KCNJ6: variants seen among roughly 807,000 people sequenced by gnomAD.
KCNJ6 encodes the protein potassium inwardly rectifying channel subfamily J member 6, also known as G protein-activated inward rectifier potassium channel 2.
In KCNJ6, 9 loss-of-function variants were observed where a neutral mutation model predicts 34.2. That is an observed-to-expected ratio of 0.26 (90% CI 0.16 to 0.46). KCNJ6 has a LOEUF of 0.46. Among genes scored for constraint, KCNJ6 ranks in the 20% least tolerant of loss-of-function variants. KCNJ6 has a pLI of 1.00. For missense variants in KCNJ6, 236 were observed against 531.3 expected, an observed-to-expected ratio of 0.44 and a Z score of 5.46; for synonymous variants, 196 against 207.1, an observed-to-expected ratio of 0.95 and a Z score of 0.46.
chr21:37,913,332 T>C (rs2055875915), intron 1 of KCNJ6, among the ~76,000 whole-genome samples: 1 of 152,228 alleles, frequency 6.6e-6, no homozygotes, highest in African/African-American at 2.4e-5. Flanking sequence ...CTCCTCTCGG[T>C]TTCCTACGAC....
At chr21:37,789,522 T>C (rs989105795) in intron 2 of KCNJ6, among the ~76,000 whole-genome samples, 1 of 152,122 alleles carries the variant, frequency 6.6e-6, no homozygotes, top group Non-Finnish European at 1.5e-5. Flanking sequence ...AGAGAATAGA[T>C]TTCTGTTGTT....
intron 2 of KCNJ6, among the ~76,000 whole-genome samples, chr21:37,758,464 A>G (rs959894698): frequency 1.3e-5 from 2 of 152,120 alleles, no homozygotes; most frequent in African/African-American, 4.8e-5. Context: ...TTAATCCCTC[A>G]TTTGTAGTGT....
intron 3 of KCNJ6, among the ~76,000 whole-genome samples, chr21:37,640,511 A>G (rs982873678): frequency 6.6e-6 from 1 of 152,276 alleles, no homozygotes; most frequent in Non-Finnish European, 1.5e-5. Context: ...TGTAAAAGCA[A>G]CAGCTGACCT....
intron 1 of KCNJ6, among the ~76,000 whole-genome samples, chr21:37,875,919 T>G (rs186911892): frequency 1.2e-3 from 189 of 152,346 alleles, no homozygotes; most frequent in African/African-American, 2.8e-3. Flanking sequence ...AAAAGTAATT[T>G]GTAAAGATCT....
chr21:37,615,320 C>T lies in KCNJ6; in HGVS notation c.*9839G>A, dbSNP rs948187843. The T allele has an allele frequency of 7.2e-6, 1 of 139,576 alleles. No individual in the cohort carries two copies. The highest frequency in any genetic ancestry group is 2.1e-4 in the East Asian group (1 of 4,732). 8.6% of individuals were successfully genotyped at this position (139,576 alleles called of 1,614,324 possible). A position where few individuals can be genotyped will look rare whatever the true frequency, so the allele number is the denominator to read the frequency against. ...CAGGTCGGACTGCGGACTGCAGTGG[C>T]GCAATCTCGGCTCACTGCAAGCTCC... On this transcript the variant is annotated 3_prime_UTR_variant, in exon 4 of 4. Coordinates refer to ENST00000609713, the MANE Select transcript of KCNJ6 (RefSeq NM_002240.5).
At position 37,611,908 on chromosome 21, in the gene KCNJ6, C is replaced by T. The variant is rs2054244065; in HGVS notation, c.*13251G>A. ...GTGATGGTGAGAAACCTGAAGCTGT[C>T]TCACTAAGATCAGGAAAAAAAAGGT... On this transcript the variant is annotated 3_prime_UTR_variant, in exon 4 of 4. Coordinates refer to ENST00000609713, the MANE Select transcript of KCNJ6 (RefSeq NM_002240.5). 6.6e-6 allele frequency: 1 copy of T among 152,046 alleles called. No homozygotes were observed. Among genetic ancestry groups the T allele is most frequent in the South Asian group, 2.1e-4 (1 of 4,820 alleles). The allele number at this position is 152,046 out of a possible 1,614,324, so 9.4% of individuals were successfully genotyped here.
At chr21:37,820,863 G>A (rs2055370066) in intron 2 of KCNJ6, among the ~76,000 whole-genome samples, 1 of 152,206 alleles carries the variant, frequency 6.6e-6, no homozygotes, top group Non-Finnish European at 1.5e-5. Context: ...GATGTGCCTT[G>A]TTTTGACTAG....
chr21:37,808,666 A>G (rs944530447), intron 2 of KCNJ6, among the ~76,000 whole-genome samples: 3 of 152,222 alleles, frequency 2.0e-5, no homozygotes, highest in Admixed American at 6.5e-5. Context: ...AGATTATTCC[A>G]TTCTCCGGTC....
chr21:37,777,898 T>A (rs555239675), intron 2 of KCNJ6, among the ~76,000 whole-genome samples: 4 of 152,158 alleles, frequency 2.6e-5, no homozygotes, highest in Non-Finnish European at 5.9e-5. Context: ...GGAACATCAC[T>A]CTTGACTGTG....
intron 2 of KCNJ6, among the ~76,000 whole-genome samples, chr21:37,796,591 A>C (rs1056176247): frequency 2.0e-5 from 3 of 152,022 alleles, no homozygotes; most frequent in Non-Finnish European, 2.9e-5. Context: ...TCTCATACTG[A>C]GATTCAGGGT....
intron 1 of KCNJ6, among the ~76,000 whole-genome samples, chr21:37,903,921 A>C (rs2055828982): frequency 6.6e-6 from 1 of 152,218 alleles, no homozygotes; most frequent in African/African-American, 2.4e-5. Context: ...TTTGTAATAA[A>C]AGGACAATTT....
At chr21:37,832,479 C>T (rs1379739968) in intron 2 of KCNJ6, among the ~76,000 whole-genome samples, 1 of 152,116 alleles carries the variant, frequency 6.6e-6, no homozygotes, top group African/African-American at 2.4e-5. Context: ...TGTCAGGAAC[C>T]CTGGGACCTC....
At chr21:37,772,907 AG>A (rs1448561611) in intron 2 of KCNJ6, among the ~76,000 whole-genome samples, 4 of 152,214 alleles carry the variant, frequency 2.6e-5, no homozygotes. Context: ...TAACTCAACA[AG>A]GATACTGTGA....
At chr21:37,827,440 C>T (rs949082574) in intron 2 of KCNJ6, among the ~76,000 whole-genome samples, 4 of 151,998 alleles carry the variant, frequency 2.6e-5, no homozygotes, top group African/African-American at 7.3e-5. Context: ...ATCCAAATCC[C>T]GTAAGTAGTA....
At chr21:37,898,595 A>G (rs138762216) in intron 1 of KCNJ6, among the ~76,000 whole-genome samples, 2,312 of 151,942 alleles carry the variant, frequency 0.015, 54 homozygotes, top group African/African-American at 0.053. Flanking sequence ...AAGAAAAAAA[A>G]AAAAAAGAAA....
intron 3 of KCNJ6, among the ~76,000 whole-genome samples, chr21:37,667,043 A>T (rs562044138): frequency 6.6e-5 from 10 of 151,584 alleles, no homozygotes; most frequent in African/African-American, 2.4e-4. Context: ...TGGCTAGGAA[A>T]ACCGGAGACC....
chr21:37,908,784 C>T (rs1205692163), intron 1 of KCNJ6, among the ~76,000 whole-genome samples: 1 of 152,326 alleles, frequency 6.6e-6, no homozygotes, highest in East Asian at 1.9e-4. Context: ...ATTGTCTCTA[C>T]CAGGAATCTT....
At chr21:37,626,634 T>G (rs1166779254) in intron 3 of KCNJ6, among the ~76,000 whole-genome samples, 1 of 152,146 alleles carries the variant, frequency 6.6e-6, no homozygotes, top group South Asian at 2.1e-4. Flanking sequence ...CACGTGTGGT[T>G]TTTTAAAATT....
At chr21:37,662,546 T>C (rs2054494531) in intron 3 of KCNJ6, among the ~76,000 whole-genome samples, 1 of 152,238 alleles carries the variant, frequency 6.6e-6, no homozygotes, top group Admixed American at 6.5e-5. Flanking sequence ...GTCTTTGTTA[T>C]GTGAATAGTG....
Sources: allele counts gnomAD v4.1 joint callset (sites outside exome capture counted in the v4.1 genomes callset), GRCh38; gene constraint gnomAD v4.1.1; transcripts MANE v1.5; gene names NCBI Gene and HGNC (gene_info 2026-07-23, HGNC 2026-07-21).